Variants in SLC9C1 observed in about 807,000 individuals in gnomAD.
The protein encoded by SLC9C1 is solute carrier family 9 member C1.
SLC9C1 carries 97 observed loss-of-function variants against 140.9 expected under a neutral mutation model. The observed-to-expected ratio is 0.69, with a 90% confidence interval of 0.58 to 0.82. The LOEUF is 0.82. Ranked by LOEUF, SLC9C1 falls within the 40% of genes least tolerant of loss-of-function variation. The pLI is 0.00. For missense variants in SLC9C1, 1,340 were observed against 1,389.3 expected (o/e 0.96, Z 0.56); for synonymous variants, 440 against 442.6 (o/e 0.99, Z 0.07).
At position 112,186,077 on chromosome 3, in the gene SLC9C1, A is replaced by C. The variant is rs1048591721; in HGVS notation, c.2524-3819T>G. The C allele has an allele frequency of 1.1e-5, 12 of 1,075,480 alleles. No homozygotes were observed. The African/African-American group carries it at 1.6e-4, about 14-fold the overall frequency. The allele number at this position is 1,075,480 out of a possible 1,614,324, so 66.6% of individuals were successfully genotyped here. A position where few individuals can be genotyped will look rare whatever the true frequency, so the allele number is the denominator to read the frequency against. On this transcript the variant is annotated intron_variant, in intron 20 of 28. Coordinates refer to ENST00000305815, the MANE Select transcript of SLC9C1 (RefSeq NM_183061.3). The stretch of plus-strand genomic sequence containing the variant: ...CAGTGCACTTTCAAATCTTTTGCCC[A>C]TTAAAAAATGAACTTTCTGTCTTGT...
chr3:112,187,016 C>T (rs537612580), intron 20 of SLC9C1, among the ~76,000 whole-genome samples: 17 of 152,266 alleles, frequency 1.1e-4, no homozygotes, highest in African/African-American at 3.9e-4. Context: ...GGTATATTGA[C>T]CCTGCTTTCT....
chr3:112,173,086 T>G (rs955663862), intron 23 of SLC9C1, among the ~76,000 whole-genome samples: 18 of 152,286 alleles, frequency 1.2e-4, no homozygotes, highest in African/African-American at 4.1e-4. Flanking sequence ...CTTTTTTTCC[T>G]CCTTTGTTTC....
At chr3:112,278,943 A>T in intron 3 of SLC9C1, 86 bp from the exon 4 acceptor site, 1 of 1,359,516 alleles carries the variant, frequency 7.4e-7, no homozygotes, top group Non-Finnish European at 1.0e-6. Flanking sequence ...ATCTAACAGT[A>T]GAGAAAGACA....
At chr3:112,276,350 TG>T (rs1239229631) in intron 5 of SLC9C1, among the ~76,000 whole-genome samples, 4 of 150,746 alleles carry the variant, frequency 2.7e-5, no homozygotes, top group African/African-American at 9.7e-5. Context: ...CTGACAGTCC[TG>T]GGCAAATTTT....
In SLC9C1 at chr3:112,202,230, A is replaced by G; in HGVS notation, c.2322+20T>C. 1 of 1,607,622 alleles carries G rather than the reference A, an allele frequency of 6.2e-7. No individual in the cohort carries two copies. The highest frequency in any genetic ancestry group is 8.5e-7 in the Non-Finnish European group (1 of 1,177,796). On this transcript the variant is annotated intron_variant, in intron 18 of 28. Transcript: ENST00000305815. ...TGAGGGCTGAGTGAACTCTTTTCTT[A>G]GGATTTAAGGTTTTCTTACCTGTTT... is the stretch of plus-strand genomic sequence containing the variant.
chr3:112,190,286 G>A (rs1002433431), intron 20 of SLC9C1, among the ~76,000 whole-genome samples: 1 of 152,208 alleles, frequency 6.6e-6, no homozygotes, highest in African/African-American at 2.4e-5. Context: ...TAGGAGTGGT[G>A]AGAGAGGGCA....
intron 13 of SLC9C1, among the ~76,000 whole-genome samples, chr3:112,227,926 G>A (rs1401297343): frequency 6.6e-6 from 1 of 151,952 alleles, no homozygotes; most frequent in Non-Finnish European, 1.5e-5. Flanking sequence ...ACAAAAAATG[G>A]GAAGACATCC....
intron 12 of SLC9C1, among the ~76,000 whole-genome samples, chr3:112,238,884 G>A (rs537685717): frequency 6.7e-4 from 102 of 152,316 alleles, no homozygotes; most frequent in African/African-American, 2.0e-3. Flanking sequence ...GGTGCCTCCC[G>A]GTTAGGCTAT....
chr3:112,187,414 C>T (rs2107980072), intron 20 of SLC9C1, among the ~76,000 whole-genome samples: 1 of 152,204 alleles, frequency 6.6e-6, no homozygotes, highest in Non-Finnish European at 1.5e-5. Context: ...CAGACTGGAC[C>T]ATTAAACTGT....
In SLC9C1 at chr3:112,200,752, T is replaced by C; in HGVS notation, c.2333A>G (p.Lys778Arg). The C allele has an allele frequency of 6.2e-7, 1 of 1,608,880 alleles. No individual in the cohort carries two copies. The highest frequency in any genetic ancestry group is 8.5e-7 in the Non-Finnish European group (1 of 1,177,700). Residue 778 changes from lysine (K) to arginine (R), a missense_variant, in exon 19 of 29, where the codon AAG becomes AGG. Physicochemically the swap from Lys to Arg is conservative, Grantham distance 26 (BLOSUM62 2). Coordinates refer to ENST00000305815, the MANE Select transcript of SLC9C1 (RefSeq NM_183061.3). ...SSKQIKQMLL[K>R]QVIRNMEHAI... ...ATGTTCCATATTCCTTATCACTTGC[T>C]TTAATAACATCTAAGGAACAAAAGA...
intron 12 of SLC9C1, among the ~76,000 whole-genome samples, chr3:112,237,308 G>A (rs13072329): frequency 0.3 from 44,854 of 151,692 alleles, 7,146 homozygotes; most frequent in East Asian, 0.42. Context: ...TTTGTTTTCT[G>A]TTTGCTTGGT....
intron 17 of SLC9C1, among the ~76,000 whole-genome samples, chr3:112,203,921 C>T (rs1197200214): frequency 1.3e-5 from 2 of 151,810 alleles, no homozygotes; most frequent in Admixed American, 6.6e-5. Flanking sequence ...ATAAACATTA[C>T]ATGGAGGTTA....
intron 20 of SLC9C1, among the ~76,000 whole-genome samples, chr3:112,183,379 C>A (rs2107965701): frequency 2.5e-5 from 1 of 40,012 alleles, no homozygotes; most frequent in African/African-American, 1.3e-4. Flanking sequence ...TTCAGCCAAT[C>A]ACAAAAAACA....
Position 112,161,605 on chromosome 3 carries a change from G to T in SLC9C1, c.3364+5616C>A, listed in dbSNP as rs1387704652. Among the ~76,000 whole-genome samples the T allele has an allele frequency of 3.3e-5, 5 of 152,030 alleles. No homozygotes were observed. The East Asian group carries it at 5.8e-4, about 18-fold the overall frequency. ...TAGATATGTGGCGTTATTTCTGAGG[G>T]CTCTGTTCTGTTCCATTGATCTATA... On this transcript the variant is annotated intron_variant, in intron 26 of 28. Coordinates refer to ENST00000305815, the MANE Select transcript of SLC9C1 (RefSeq NM_183061.3).
chr3:112,178,666 T>C (rs1296134249), intron 23 of SLC9C1, among the ~76,000 whole-genome samples: 1 of 152,232 alleles, frequency 6.6e-6, no homozygotes, highest in Non-Finnish European at 1.5e-5. Context: ...ATGAGGTACA[T>C]CATGCCTGGT....
chr3:112,161,097 A>G (rs1176464788), intron 26 of SLC9C1, among the ~76,000 whole-genome samples: 39 of 151,972 alleles, frequency 2.6e-4, no homozygotes, highest in African/African-American at 7.7e-4. Flanking sequence ...CATGTCCTTC[A>G]CCCACTTTTT....
At chr3:112,271,410 T>TATATATATATATATATA (rs1553704077) in intron 6 of SLC9C1, among the ~76,000 whole-genome samples, 1 of 148,228 alleles carries the variant, frequency 6.7e-6, no homozygotes, top group South Asian at 2.1e-4. Context: ...TATATATATA[T>TATATATATATATATATA]CAAAGCCTCA....
chr3:112,229,199 A>C (rs376761776), intron 13 of SLC9C1, among the ~76,000 whole-genome samples: 69 of 152,234 alleles, frequency 4.5e-4, no homozygotes, highest in African/African-American at 1.6e-3. Context: ...GCTAGCAGGA[A>C]TAGGTTGGTT....
chr3:112,218,866 T>G (rs1386092005), intron 14 of SLC9C1, among the ~76,000 whole-genome samples: 1 of 152,210 alleles, frequency 6.6e-6, no homozygotes, highest in East Asian at 1.9e-4. Flanking sequence ...TACATCAACA[T>G]GTTCACTGTT....
Sources: gnomAD v4.1 joint callset for allele counts (sites outside exome capture counted in the v4.1 genomes callset) on GRCh38, gnomAD v4.1.1 for gene constraint, MANE v1.5 for transcripts, NCBI Gene and HGNC (gene_info 2026-07-23, HGNC 2026-07-21) for gene names.